Variants in DPH6 observed in about 807,000 individuals in gnomAD.
DPH6 encodes the protein diphthine--ammonia ligase.
In DPH6, 33 loss-of-function variants were observed where a neutral mutation model predicts 38.2. That is an observed-to-expected ratio of 0.86 (90% confidence interval 0.65 to 1.15). The LOEUF is 1.15. Among genes scored for constraint, DPH6 ranks in the 50% most tolerant of loss-of-function variants. The pLI, the probability that DPH6 is intolerant of heterozygous loss-of-function variation, is 0.00. For missense variants in DPH6, 325 were observed against 320.0 expected (o/e 1.02, Z -0.12); for synonymous variants, 108 against 103.0 (o/e 1.05, Z -0.30).
At chr15:35,242,993 T>C (rs1449404289) in intron 3 of DPH6, among the ~76,000 whole-genome samples, 3 of 142,574 alleles carry the variant, frequency 2.1e-5, no homozygotes, top group Admixed American at 1.5e-4. Flanking sequence ...CTCTTAACTC[T>C]TGAAGTAAAT....
chr15:35,146,232 A>G, the DPH6 span, among the ~76,000 whole-genome samples: 10 of 152,184 alleles, frequency 6.6e-5, no homozygotes. Context: ...TAAGCTTATA[A>G]GGAAGAATTT....
chr15:35,434,644 G>C (rs2053673666), intron 5 of DPH6, among the ~76,000 whole-genome samples: 1 of 152,102 alleles, frequency 6.6e-6, no homozygotes, highest in Non-Finnish European at 1.5e-5. Context: ...AGGCAACAAT[G>C]TATCAGGCAA....
At chr15:35,188,007 G>A in the DPH6 span, among the ~76,000 whole-genome samples, 1 of 152,180 alleles carries the variant, frequency 6.6e-6, no homozygotes, top group African/African-American at 2.4e-5. Flanking sequence ...GCCAGATGTG[G>A]TGCTGCTACA....
chr15:35,349,082 A>T (rs1480595480), intron 3 of DPH6, among the ~76,000 whole-genome samples: 1 of 152,124 alleles, frequency 6.6e-6, no homozygotes, highest in Admixed American at 6.6e-5. Flanking sequence ...TTTTCTATAT[A>T]TAAGATTATG....
chr15:35,165,069 T>C, the DPH6 span, among the ~76,000 whole-genome samples: 5 of 151,846 alleles, frequency 3.3e-5, no homozygotes, highest in African/African-American at 1.2e-4. Context: ...GGGTAAAAGA[T>C]TGGATGTTAA....
intron 3 of DPH6, among the ~76,000 whole-genome samples, chr15:35,525,041 A>C (rs1420175123): frequency 6.6e-6 from 1 of 152,192 alleles, no homozygotes; most frequent in Non-Finnish European, 1.5e-5. Flanking sequence ...CATGATGAGC[A>C]CTGAAGAGTA....
chr15:35,404,715 C>A lies in DPH6; in HGVS notation c.567+6120G>T, dbSNP rs145620160. Among the ~76,000 whole-genome samples, 13 of 152,168 alleles carry A rather than the reference C, an allele frequency of 8.5e-5. No homozygotes were observed. The South Asian group carries it at 2.7e-3, about 32-fold the overall frequency. On this transcript the variant is annotated intron_variant, in intron 6 of 8. Transcript: ENST00000256538. ...GTTGATTGTTTCCTTCGCTGTGCAG[C>A]TTTTTAACTTGATGCAATCCCATCT...
At chr15:35,542,945 A>AATATATATATATATATATAT (rs67141062) in intron 1 of DPH6, among the ~76,000 whole-genome samples, 1,393 of 30,052 alleles carry the variant, frequency 0.046, 146 homozygotes, top group South Asian at 0.083. Context: ...CCACTTAAGG[A>AATATATATATATATATATAT]ATATATATAT....
chr15:35,418,921 G>C (rs951893565), intron 5 of DPH6, among the ~76,000 whole-genome samples: 1 of 151,980 alleles, frequency 6.6e-6, no homozygotes, highest in Non-Finnish European at 1.5e-5. Context: ...TTGTAGCCTA[G>C]AGTTTTACTG....
the DPH6 span, among the ~76,000 whole-genome samples, chr15:35,157,559 G>T: frequency 6.6e-6 from 1 of 152,008 alleles, no homozygotes; most frequent in African/African-American, 2.4e-5. Context: ...CTTAGAGACC[G>T]GGTTGTGGTA....
chr15:35,364,854 T>C (rs2052643575), intron 3 of DPH6, among the ~76,000 whole-genome samples: 1 of 152,060 alleles, frequency 6.6e-6, no homozygotes, highest in South Asian at 2.1e-4. Flanking sequence ...TTTTAAACAT[T>C]GCATCTTCCC....
intron 6 of DPH6, among the ~76,000 whole-genome samples, chr15:35,389,261 C>G (rs2053017730): frequency 2.0e-5 from 3 of 152,156 alleles, no homozygotes; most frequent in East Asian, 1.9e-4. Flanking sequence ...TTACTTCCAA[C>G]TATGTGGTCA....
At chr15:35,468,445 C>T (rs1352628525) in intron 3 of DPH6, among the ~76,000 whole-genome samples, 2 of 152,162 alleles carry the variant, frequency 1.3e-5, no homozygotes, top group Non-Finnish European at 2.9e-5. Flanking sequence ...CTTAAGCTAA[C>T]TGTCTTGCCT....
intron 3 of DPH6, among the ~76,000 whole-genome samples, chr15:35,516,803 T>G (rs1463054081): frequency 6.6e-6 from 1 of 152,134 alleles, no homozygotes; most frequent in Non-Finnish European, 1.5e-5. Flanking sequence ...GGAAATAGCA[T>G]GGAGCTGATT....
At chr15:35,169,812 T>G in the DPH6 span, 2 of 152,308 alleles carry the variant, frequency 1.3e-5, no homozygotes, top group African/African-American at 4.8e-5. Flanking sequence ...AAATGTTAGC[T>G]CTAGAAAGGC....
chr15:35,329,434 CTTAG>C (rs1485979170), downstream of DPH6, among the ~76,000 whole-genome samples: 1 of 152,164 alleles, frequency 6.6e-6, no homozygotes, highest in South Asian at 2.1e-4. Context: ...ATTATTTAAG[CTTAG>C]TTGTGAAATT....
intron 3 of DPH6, among the ~76,000 whole-genome samples, chr15:35,244,338 T>C (rs1269016181): frequency 6.6e-6 from 1 of 152,230 alleles, no homozygotes; most frequent in African/African-American, 2.4e-5. Context: ...GCTTTCTCTA[T>C]AGCACGTTAG....
At chr15:35,238,144 C>A in intron 3 of DPH6, 1 of 1,032,918 alleles carries the variant, frequency 9.7e-7, no homozygotes, top group Non-Finnish European at 1.5e-6. Flanking sequence ...CAATCCTGCC[C>A]CCTGAAACTT....
At chr15:35,500,202 G>A (rs2054608456) in intron 3 of DPH6, among the ~76,000 whole-genome samples, 1 of 152,046 alleles carries the variant, frequency 6.6e-6, no homozygotes, top group African/African-American at 2.4e-5. Context: ...ATATTGATAG[G>A]ATCTCACTTC....
Sources: allele counts gnomAD v4.1 joint callset (sites outside exome capture counted in the v4.1 genomes callset), GRCh38; gene constraint gnomAD v4.1.1; transcripts MANE v1.5; gene names NCBI Gene and HGNC (gene_info 2026-07-23, HGNC 2026-07-21).